Variants in CNTNAP2 observed in about 807,000 individuals in gnomAD.
The protein encoded by CNTNAP2 is contactin-associated protein-like 2.
A neutral mutation model predicts 155.2 loss-of-function variants in CNTNAP2; 98 were observed. The observed-to-expected ratio is 0.63, with a 90% CI of 0.54 to 0.75. The LOEUF is 0.75. CNTNAP2 is among the 30% of genes least tolerant of loss of function. CNTNAP2 has a pLI of 0.00. For synonymous variants in CNTNAP2, 651 were observed against 631.2 expected, an observed-to-expected ratio of 1.03 and a Z score of -0.47; for missense variants, 1,727 against 1,688.1, an observed-to-expected ratio of 1.02 and a Z score of -0.40.
At chr7:146,653,120 C>G (rs953465163) in intron 1 of CNTNAP2, among the ~76,000 whole-genome samples, 2 of 152,100 alleles carry the variant, frequency 1.3e-5, no homozygotes, top group Non-Finnish European at 2.9e-5. Flanking sequence ...AGGTTGCCAG[C>G]TCACGTTCTT....
chr7:146,986,943 T>C (rs1798123913), intron 3 of CNTNAP2, among the ~76,000 whole-genome samples: 1 of 152,146 alleles, frequency 6.6e-6, no homozygotes, highest in Admixed American at 6.6e-5. Flanking sequence ...TTTACTAGCA[T>C]TTGGCAATTA....
chr7:147,474,424 G>A (rs547684982), intron 10 of CNTNAP2, among the ~76,000 whole-genome samples: 10 of 152,116 alleles, frequency 6.6e-5, no homozygotes, highest in East Asian at 5.9e-4. Context: ...GTGAAACCCC[G>A]TCTCTACTTA....
chr7:147,155,458 T>C (rs1563096109), intron 8 of CNTNAP2, among the ~76,000 whole-genome samples: 1 of 152,102 alleles, frequency 6.6e-6, no homozygotes, highest in African/African-American at 2.4e-5. Flanking sequence ...GTTTGAACTA[T>C]TAGAACATAG....
intron 3 of CNTNAP2, among the ~76,000 whole-genome samples, chr7:147,004,407 G>T (rs1798486805): frequency 6.6e-6 from 1 of 151,806 alleles, no homozygotes; most frequent in Non-Finnish European, 1.5e-5. Flanking sequence ...TGAGCAATTG[G>T]TCATAACAGA....
intron 8 of CNTNAP2, among the ~76,000 whole-genome samples, chr7:147,248,979 GA>G (rs200883860): frequency 2.0e-5 from 3 of 151,578 alleles, no homozygotes; most frequent in African/African-American, 7.3e-5. Context: ...TATGGGAGAA[GA>G]AAAAAAACTT....
At chr7:146,485,116 G>T (rs1432448481) in intron 1 of CNTNAP2, among the ~76,000 whole-genome samples, 1 of 151,792 alleles carries the variant, frequency 6.6e-6, no homozygotes, top group Non-Finnish European at 1.5e-5. Context: ...AGGCTTTTAT[G>T]ATCTTGCAAA....
At chr7:147,017,062 A>C (rs967796226) in intron 3 of CNTNAP2, among the ~76,000 whole-genome samples, 1 of 151,262 alleles carries the variant, frequency 6.6e-6, no homozygotes, top group Non-Finnish European at 1.5e-5. Flanking sequence ...AATGTAAAGG[A>C]TTTCCTGACT....
At chr7:147,978,301 T>G in intron 15 of CNTNAP2, 4 of 372,754 alleles carry the variant, frequency 1.1e-5, no homozygotes, top group East Asian at 6.3e-5. Context: ...ACAGCTGTGA[T>G]TCCACGGAGT....
At chr7:147,726,245 G>C (rs12666318) in intron 13 of CNTNAP2, among the ~76,000 whole-genome samples, 1 of 151,756 alleles carries the variant, frequency 6.6e-6, no homozygotes, top group African/African-American at 2.4e-5. Flanking sequence ...GAGAGATCTT[G>C]TGTTAAGTAT....
intron 3 of CNTNAP2, among the ~76,000 whole-genome samples, chr7:146,924,476 G>C (rs1469653017): frequency 6.6e-6 from 1 of 152,102 alleles, no homozygotes; most frequent in Non-Finnish European, 1.5e-5. Context: ...GTTCATAACA[G>C]TTAGTCAATG....
intron 11 of CNTNAP2, among the ~76,000 whole-genome samples, chr7:147,502,075 A>G (rs1200536480): frequency 6.6e-6 from 1 of 152,210 alleles, no homozygotes; most frequent in Non-Finnish European, 1.5e-5. Context: ...TGAAGACGAC[A>G]CAAATAGATG....
intron 10 of CNTNAP2, among the ~76,000 whole-genome samples, chr7:147,477,953 G>A (rs1007806620): frequency 6.6e-6 from 1 of 152,048 alleles, no homozygotes; most frequent in South Asian, 2.1e-4. Context: ...CCAACCTATG[G>A]TTGTACATTT....
chr7:148,259,872 T>A (rs1341256311), intron 20 of CNTNAP2, among the ~76,000 whole-genome samples: 2 of 152,236 alleles, frequency 1.3e-5, no homozygotes, highest in Non-Finnish European at 2.9e-5. Context: ...AACAAGTTAG[T>A]GTTCACTCAA....
At chr7:148,221,336 T>A (rs148516334) in intron 19 of CNTNAP2, among the ~76,000 whole-genome samples, 1 of 152,118 alleles carries the variant, frequency 6.6e-6, no homozygotes, top group Non-Finnish European at 1.5e-5. Flanking sequence ...TGCATGGAGG[T>A]TGAGTGCCTT....
chr7:147,271,849 A>G (rs529486071), intron 8 of CNTNAP2, among the ~76,000 whole-genome samples: 19 of 152,260 alleles, frequency 1.2e-4, no homozygotes, highest in African/African-American at 4.6e-4. Flanking sequence ...TAGCCAAATG[A>G]TATCACTCTG....
intron 1 of CNTNAP2, among the ~76,000 whole-genome samples, chr7:146,186,509 C>A (rs1798626488): frequency 6.6e-6 from 1 of 152,138 alleles, no homozygotes; most frequent in South Asian, 2.1e-4. Context: ...ATAAACTATT[C>A]AATTGAATCT....
intron 1 of CNTNAP2, among the ~76,000 whole-genome samples, chr7:146,477,880 A>G (rs1471534423): frequency 6.6e-6 from 1 of 152,146 alleles, no homozygotes; most frequent in Non-Finnish European, 1.5e-5. Flanking sequence ...TATAATGCCC[A>G]ACTTATAGCA....
At chr7:146,393,475 GACCAA>G (rs1795574793) in intron 1 of CNTNAP2, among the ~76,000 whole-genome samples, 1 of 152,086 alleles carries the variant, frequency 6.6e-6, no homozygotes, top group Admixed American at 6.6e-5. Context: ...AGGTTAATAG[GACCAA>G]TCAGTGGGGA....
chr7:148,135,534 G>T (rs1804918736), intron 16 of CNTNAP2, among the ~76,000 whole-genome samples: 1 of 152,020 alleles, frequency 6.6e-6, no homozygotes, highest in Admixed American at 6.6e-5. Context: ...GCCTCAAGCT[G>T]CAGGGCAGCT....
Sources: allele counts gnomAD v4.1 joint callset (sites outside exome capture counted in the v4.1 genomes callset), GRCh38; gene constraint gnomAD v4.1.1; transcripts MANE v1.5; gene names NCBI Gene and HGNC (gene_info 2026-07-23, HGNC 2026-07-21).